Variants in ASPRV1 observed in about 807,000 individuals in gnomAD.
ASPRV1 encodes aspartic peptidase retroviral like 1, also known as retroviral-like aspartic protease 1.
Under a neutral mutation model 11.0 loss-of-function variants are expected in ASPRV1, and 7 were observed. The observed-to-expected ratio is 0.64, with a 90% CI of 0.36 to 1.20. ASPRV1 has a LOEUF of 1.20. Among genes scored for constraint, ASPRV1 ranks in the 50% most tolerant of loss-of-function variants. ASPRV1 has a pLI of 0.02. For synonymous variants in ASPRV1, 136 were observed against 138.4 expected (o/e 0.98, Z 0.12); for missense variants, 299 against 320.0 (o/e 0.93, Z 0.50).
chr2:69,951,257 C>G, the ASPRV1 span, among the ~76,000 whole-genome samples: 1 of 151,704 alleles, frequency 6.6e-6, no homozygotes, highest in Non-Finnish European at 1.5e-5. Context: ...AACCCCGTCT[C>G]TACTAAAAAT....
At chr2:70,029,299 A>G in the ASPRV1 span, among the ~76,000 whole-genome samples, 11 of 152,266 alleles carry the variant, frequency 7.2e-5, no homozygotes, top group South Asian at 2.3e-3. Flanking sequence ...CATTCCAGCA[A>G]GAGAAACAAG....
At chr2:69,998,035 C>T in the ASPRV1 span, 1 of 152,080 alleles carries the variant, frequency 6.6e-6, no homozygotes, top group Non-Finnish European at 1.5e-5. Flanking sequence ...GCAGGACCAG[C>T]TCATGACCAG....
the ASPRV1 span, among the ~76,000 whole-genome samples, chr2:69,981,068 A>G: frequency 6.6e-6 from 1 of 152,214 alleles, no homozygotes; most frequent in African/African-American, 2.4e-5. Context: ...GAGCCACTGC[A>G]TCTGGCCTAA....
At chr2:70,003,779 G>A in the ASPRV1 span, among the ~76,000 whole-genome samples, 1 of 152,344 alleles carries the variant, frequency 6.6e-6, no homozygotes, top group African/African-American at 2.4e-5. Flanking sequence ...TGCAAGTGCT[G>A]GGATGTGGGG....
At chr2:70,057,817 CAG>C in the ASPRV1 span, among the ~76,000 whole-genome samples, 4 of 148,736 alleles carry the variant, frequency 2.7e-5, no homozygotes, top group South Asian at 2.1e-4. Context: ...TTTTTTTAGA[CAG>C]AGTCTCGCTC....
chr2:70,008,755 C>G, the ASPRV1 span, among the ~76,000 whole-genome samples: 1 of 152,100 alleles, frequency 6.6e-6, no homozygotes, highest in Non-Finnish European at 1.5e-5. Flanking sequence ...CCCTGGCTAG[C>G]CCTACCATAT....
chr2:70,006,529 G>C, the ASPRV1 span, among the ~76,000 whole-genome samples: 14 of 152,292 alleles, frequency 9.2e-5, no homozygotes, highest in South Asian at 2.3e-3. Context: ...CCAGCACCCA[G>C]TGGCCTTGGC....
the ASPRV1 span, chr2:70,018,266 A>C: frequency 6.6e-6 from 1 of 152,116 alleles, no homozygotes; most frequent in Admixed American, 6.6e-5. Context: ...TGACGAAAGA[A>C]ACTGAAGAGG....
the ASPRV1 span, among the ~76,000 whole-genome samples, chr2:70,038,180 T>C: frequency 2.0e-5 from 3 of 152,212 alleles, no homozygotes; most frequent in Non-Finnish European, 4.4e-5. Flanking sequence ...AAACAAGAAA[T>C]ACCTTCAAAA....
chr2:69,943,600 C>A, the ASPRV1 span, among the ~76,000 whole-genome samples: 2 of 152,154 alleles, frequency 1.3e-5, no homozygotes, highest in Non-Finnish European at 2.9e-5. Context: ...TGAGGATGTC[C>A]GTTCCTTTAC....
chr2:70,087,179 T>G, the ASPRV1 span: 1 of 152,024 alleles, frequency 6.6e-6, no homozygotes, highest in Non-Finnish European at 1.5e-5. Flanking sequence ...GGCAGGAAAA[T>G]AATGTCTATC....
the ASPRV1 span, chr2:69,988,834 A>G: frequency 2.2e-6 from 1 of 456,542 alleles, no homozygotes; most frequent in Non-Finnish European, 4.4e-6. Flanking sequence ...GTTCTGCAGA[A>G]GAGTCTGGAG....
At chr2:70,048,689 G>C in the ASPRV1 span, 5,164 of 152,558 alleles carry the variant, frequency 0.034, 115 homozygotes, top group Middle Eastern at 0.057. Flanking sequence ...AAACTATATG[G>C]CTTAAAACAA....
At chr2:69,958,874 T>A (rs1242899778), downstream of ASPRV1, among the ~76,000 whole-genome samples, 2 of 152,194 alleles carry the variant, frequency 1.3e-5, no homozygotes, top group Non-Finnish European at 2.9e-5. Context: ...TAGGCATCAC[T>A]TTTCTGGAAA....
chr2:70,085,850 G>A, the ASPRV1 span: 2 of 152,262 alleles, frequency 1.3e-5, no homozygotes, highest in African/African-American at 4.8e-5. Context: ...CAGAGGCACT[G>A]TAGTCTCTTC....
chr2:69,948,957 C>A, the ASPRV1 span, among the ~76,000 whole-genome samples: 1 of 152,206 alleles, frequency 6.6e-6, no homozygotes, highest in Non-Finnish European at 1.5e-5. Flanking sequence ...GCCGCTCCCC[C>A]CGGCACCTCG....
chr2:69,934,682 C>T, the ASPRV1 span, among the ~76,000 whole-genome samples: 1 of 152,172 alleles, frequency 6.6e-6, no homozygotes, highest in Non-Finnish European at 1.5e-5. Flanking sequence ...TTTAAGATAG[C>T]ATGGTATACT....
At chr2:70,052,448 A>G in the ASPRV1 span, among the ~76,000 whole-genome samples, 86 of 152,314 alleles carry the variant, frequency 5.6e-4, no homozygotes, top group Non-Finnish European at 7.5e-4. Flanking sequence ...TCATATTCCA[A>G]CTGGGAGAGT....
chr2:70,040,751 T>C, the ASPRV1 span, among the ~76,000 whole-genome samples: 4 of 152,010 alleles, frequency 2.6e-5, no homozygotes, highest in African/African-American at 9.7e-5. Context: ...GGAGAATCAC[T>C]TGAACCCGGG....
Sources: gnomAD v4.1 joint callset for allele counts (sites outside exome capture counted in the v4.1 genomes callset) on GRCh38, gnomAD v4.1.1 for gene constraint, MANE v1.5 for transcripts, NCBI Gene and HGNC (gene_info 2026-07-23, HGNC 2026-07-21) for gene names.